PAN3: variants seen among roughly 807,000 people sequenced by gnomAD.
PAN3 encodes poly(A) specific ribonuclease subunit PAN3, also known as PAN2-PAN3 deadenylation complex subunit PAN3.
PAN3 carries 19 observed loss-of-function variants against 96.2 expected under a neutral mutation model. The observed-to-expected ratio is 0.20, with a 90% confidence interval of 0.14 to 0.29. The LOEUF is 0.29. Ranked by LOEUF, PAN3 falls within the 10% of genes least tolerant of loss-of-function variation. The probability of loss-of-function intolerance (pLI) is 1.00; values close to 1 mark genes in which losing one functional copy is unlikely to be tolerated. For missense variants in PAN3, 882 were observed against 1,108.1 expected, an observed-to-expected ratio of 0.80 and a Z score of 2.90; for synonymous variants, 433 against 406.6, an observed-to-expected ratio of 1.06 and a Z score of -0.78.
intron 4 of PAN3, among the ~76,000 whole-genome samples, chr13:28,180,951 A>G (rs1660856589): frequency 6.6e-6 from 1 of 152,192 alleles, no homozygotes; most frequent in Admixed American, 6.5e-5. Flanking sequence ...GCCAATTTAA[A>G]TATTTGATGA....
chr13:28,260,461 T>C lies in PAN3; in HGVS notation c.1263T>C (p.Tyr421=), dbSNP rs1176895554. Residue 421 remains tyrosine (Y), a synonymous_variant, in exon 8 of 19, where the codon TAT becomes TAC. Transcript: ENST00000380958. ...APLTGMVFPN[Y]HIYPPTAPHV... ...TACCTTTTTAGGTGTTTCCAAACTA[T>C]CATATTTATCCTCCAACTGCACCTC... is the stretch of plus-strand genomic sequence containing the variant. The C allele has an allele frequency of 1.9e-6, 3 of 1,611,894 alleles. No homozygotes were observed. The highest frequency in any genetic ancestry group is 2.5e-6 in the Non-Finnish European group (3 of 1,178,204).
intron 5 of PAN3, 133 bp from the exon 6 acceptor site, chr13:28,220,098 C>T (rs1193685382): frequency 7.0e-6 from 6 of 857,520 alleles, no homozygotes; most frequent in East Asian, 2.8e-5. Flanking sequence ...AAATATGGAA[C>T]CGAAAACACT....
chr13:28,222,459 T>C (rs17086398), intron 6 of PAN3, among the ~76,000 whole-genome samples: 5,546 of 152,282 alleles, frequency 0.036, 311 homozygotes, highest in African/African-American at 0.13. Flanking sequence ...TGAATTCTAA[T>C]GACTATTATT....
At chr13:28,252,305 G>A (rs931659602) in intron 6 of PAN3, among the ~76,000 whole-genome samples, 3 of 149,636 alleles carry the variant, frequency 2.0e-5, no homozygotes, top group Non-Finnish European at 3.0e-5. Context: ...GGGTGTCCAT[G>A]TTAGTTTAGT....
chr13:28,236,760 G>C (rs1359512896), intron 6 of PAN3, among the ~76,000 whole-genome samples: 1 of 152,136 alleles, frequency 6.6e-6, no homozygotes, highest in Non-Finnish European at 1.5e-5. Context: ...CAAGCCATAG[G>C]CTTAGAGCAG....
At chr13:28,182,215 A>G (rs996424067) in intron 4 of PAN3, among the ~76,000 whole-genome samples, 9 of 152,248 alleles carry the variant, frequency 5.9e-5, no homozygotes, top group Non-Finnish European at 1.2e-4. Flanking sequence ...TTGCTAAGAT[A>G]GAAGTGTTTA....
intron 4 of PAN3, among the ~76,000 whole-genome samples, chr13:28,183,483 C>T (rs1876065846): frequency 6.6e-6 from 1 of 152,200 alleles, no homozygotes; most frequent in Non-Finnish European, 1.5e-5. Flanking sequence ...CCATCTCAGC[C>T]TAAGCCAAGT....
chr13:28,200,772 A>G (rs1593460414), intron 5 of PAN3, among the ~76,000 whole-genome samples: 1 of 152,304 alleles, frequency 6.6e-6, no homozygotes, highest in South Asian at 2.1e-4. Flanking sequence ...TGGCTGTTTG[A>G]GATATTGATA....
At chr13:28,284,632 C>T (rs1456375612) in intron 17 of PAN3, among the ~76,000 whole-genome samples, 1 of 152,122 alleles carries the variant, frequency 6.6e-6, no homozygotes, top group African/African-American at 2.4e-5. Context: ...CTCCCCTTGT[C>T]CCCAAGACTA....
intron 18 of PAN3, among the ~76,000 whole-genome samples, chr13:28,291,018 G>A (rs1219429718): frequency 6.6e-6 from 1 of 152,028 alleles, no homozygotes; most frequent in Non-Finnish European, 1.5e-5. Flanking sequence ...AGAAAATTCT[G>A]TTTCACATCA....
chr13:28,253,715 TC>T (rs11354176), intron 6 of PAN3, among the ~76,000 whole-genome samples: 27,264 of 151,618 alleles, frequency 0.18, 3,557 homozygotes, highest in African/African-American at 0.36. Flanking sequence ...GCTCAAGCGA[TC>T]CTCCTGCCTC....
intron 1 of PAN3, among the ~76,000 whole-genome samples, chr13:28,165,080 G>A (rs1196370932): frequency 1.3e-5 from 2 of 152,076 alleles, no homozygotes; most frequent in Non-Finnish European, 2.9e-5. Context: ...GCTAATTTTT[G>A]TATTTTTAGT....
intron 7 of PAN3, 35 bp from the exon 8 acceptor site, chr13:28,260,412 G>T: frequency 6.7e-7 from 1 of 1,486,010 alleles, no homozygotes; most frequent in South Asian, 1.1e-5. Flanking sequence ...AAAGAAAAAT[G>T]AGTGATTACA....
intron 18 of PAN3, among the ~76,000 whole-genome samples, chr13:28,290,095 G>C (rs183284109): frequency 2.0e-5 from 3 of 152,162 alleles, no homozygotes; most frequent in Non-Finnish European, 2.9e-5. Flanking sequence ...AAGCGTGAGA[G>C]CCTCGAATAG....
intron 4 of PAN3, among the ~76,000 whole-genome samples, chr13:28,182,276 C>T (rs1875888590): frequency 6.6e-6 from 1 of 152,194 alleles, no homozygotes; most frequent in South Asian, 2.1e-4. Flanking sequence ...AATGAGAAAT[C>T]TTTCAAATTT....
intron 1 of PAN3, among the ~76,000 whole-genome samples, chr13:28,141,410 T>C (rs938929382): frequency 6.6e-6 from 1 of 152,010 alleles, no homozygotes; most frequent in Non-Finnish European, 1.5e-5. Context: ...ATTAATCTTA[T>C]TCCTGACAGA....
At chr13:28,199,400 AT>A (rs1316679488) in intron 5 of PAN3, among the ~76,000 whole-genome samples, 1 of 152,046 alleles carries the variant, frequency 6.6e-6, no homozygotes, top group East Asian at 1.9e-4. Context: ...ATAGTAATAG[AT>A]TTGCATTAAT....
rs1490409783 is a variant in PAN3, at chr13:28,188,512, G to A, written c.691-8673G>A. 2.0e-5 allele frequency among the ~76,000 whole-genome samples: 3 copies of A among 152,154 alleles called. No individual in the cohort carries two copies. The East Asian group carries it at 5.8e-4, about 29-fold the overall frequency. ...GCTATGTGGGAGACTGAGGTGGGAG[G>A]ATCGTTTGAGCTCAGGGGTTTGAAG... On this transcript the variant is annotated intron_variant, in intron 4 of 18. Transcript: ENST00000380958.
At position 28,288,000 on chromosome 13, in the gene PAN3, A is replaced by T. The variant is rs774294463; in HGVS notation, c.2401A>T (p.Thr801Ser). Residue 801 changes from threonine to serine, a missense_variant, in exon 18 of 19, where the codon ACT becomes TCT. By Grantham distance (58) the Thr-to-Ser change is moderately conservative (BLOSUM62 1). Around this residue, in one of 3 missense-constraint regions of PAN3, gnomAD observed 76 missense variants for 171.7 expected, o/e 0.44. Coordinates refer to ENST00000380958, the MANE Select transcript of PAN3 (RefSeq NM_175854.8). ...TTCCCCCAGGTTTCAGAAGGATCCC[A>T]CTTGGTCAGAGACTGGAGACCGTTA... Reference protein sequence around the residue: ...NERPEFQKDPTWSETGDRYLL... With the variant: ...NERPEFQKDPSWSETGDRYLL... 1 of 1,611,348 alleles carries T rather than the reference A, an allele frequency of 6.2e-7. No homozygotes were observed. The highest frequency in any genetic ancestry group is 2.2e-5 in the East Asian group (1 of 44,778).
Sources: allele counts gnomAD v4.1 joint callset (sites outside exome capture counted in the v4.1 genomes callset), GRCh38; gene constraint gnomAD v4.1.1; regional missense constraint gnomAD v4.1.1; transcripts MANE v1.5; gene names NCBI Gene and HGNC (gene_info 2026-07-23, HGNC 2026-07-21).